MCTP1: variants seen among roughly 807,000 people sequenced by gnomAD.
MCTP1 encodes multiple C2 and transmembrane domain-containing protein 1.
Under a neutral mutation model 120.6 loss-of-function variants are expected in MCTP1, and 69 were observed. That is an observed-to-expected ratio of 0.57 (90% confidence interval 0.47 to 0.70). The LOEUF (loss-of-function observed/expected upper bound fraction) is 0.70. MCTP1 is among the 30% of genes least tolerant of loss of function. MCTP1 has a pLI of 0.00. For synonymous variants in MCTP1, 529 were observed against 493.1 expected, an observed-to-expected ratio of 1.07 and a Z score of -0.96; for missense variants, 1,203 against 1,248.8, an observed-to-expected ratio of 0.96 and a Z score of 0.55.
intron 1 of MCTP1, among the ~76,000 whole-genome samples, chr5:95,059,210 T>C (rs948920089): frequency 3.3e-5 from 5 of 150,812 alleles, no homozygotes; most frequent in African/African-American, 1.2e-4. Flanking sequence ...AAATGTGGCA[T>C]ATATATATAT....
intron 1 of MCTP1, among the ~76,000 whole-genome samples, chr5:95,206,923 G>A (rs771466786): frequency 1.3e-5 from 2 of 152,122 alleles, no homozygotes; most frequent in Non-Finnish European, 2.9e-5. Context: ...TTTATTAAAT[G>A]TTGATATATA....
chr5:94,837,711 T>C (rs978046481), intron 17 of MCTP1, among the ~76,000 whole-genome samples: 11 of 152,124 alleles, frequency 7.2e-5, no homozygotes, highest in African/African-American at 1.9e-4. Context: ...AATGCAAATA[T>C]CTAAAATCTG....
At chr5:95,025,361 C>G (rs572177874) in intron 1 of MCTP1, among the ~76,000 whole-genome samples, 1 of 152,090 alleles carries the variant, frequency 6.6e-6, no homozygotes, top group Non-Finnish European at 1.5e-5. Flanking sequence ...AACTATATAT[C>G]CACCTGCAGA....
At chr5:95,263,732 G>A (rs1203393568) in intron 1 of MCTP1, among the ~76,000 whole-genome samples, 1 of 152,152 alleles carries the variant, frequency 6.6e-6, no homozygotes, top group African/African-American at 2.4e-5. Flanking sequence ...CCATGTGCCA[G>A]GAACTTTCAT....
chr5:95,024,650 C>CACAA (rs1554185307), intron 1 of MCTP1, among the ~76,000 whole-genome samples: 1 of 147,114 alleles, frequency 6.8e-6, no homozygotes, highest in African/African-American at 2.5e-5. Context: ...CATTCAAATA[C>CACAA]ACACACACAC....
intron 1 of MCTP1, among the ~76,000 whole-genome samples, chr5:95,144,186 T>C (rs1760176554): frequency 6.6e-6 from 1 of 152,222 alleles, no homozygotes. Context: ...TTCATATATT[T>C]GTTGGCCGCT....
At position 94,708,597 on chromosome 5, in the gene MCTP1, A is replaced by C; in HGVS notation, c.2843T>G (p.Phe948Cys). The change falls in exon 22 of 23, where the codon TTT becomes TGT. Residue 948 changes from phenylalanine (F) to cysteine (C), a missense_variant. By Grantham distance (205) the Phe-to-Cys change is radical. Transcript: ENST00000515393. ...ATATGGACTCCGAAGCTTTTTTGTA[A>C]ATTTATTGATGCCTGAAACAAAGTT... is the stretch of plus-strand genomic sequence containing the variant. ...YIVLVWGINK[F>C]TKKLRSPYAI... is the part of the protein sequence containing the mutation. 6.2e-7 allele frequency: 1 copy of C among 1,605,998 alleles called. No homozygotes were observed. Among genetic ancestry groups the C allele is most frequent in the Non-Finnish European group, 8.5e-7 (1 of 1,173,518 alleles).
intron 1 of MCTP1, among the ~76,000 whole-genome samples, chr5:95,064,634 C>A (rs2152130813): frequency 6.6e-6 from 1 of 152,252 alleles, no homozygotes; most frequent in South Asian, 2.1e-4. Context: ...TTGAGGTCCA[C>A]CAGAGGTGCA....
chr5:94,771,331 T>C (rs1003046959), intron 19 of MCTP1, among the ~76,000 whole-genome samples: 2 of 152,192 alleles, frequency 1.3e-5, no homozygotes, highest in African/African-American at 4.8e-5. Flanking sequence ...AATCTTCAGA[T>C]TCTCAGAGTC....
At chr5:95,036,919 C>CTCACTCACTCAA (rs1841426321) in intron 1 of MCTP1, among the ~76,000 whole-genome samples, 1 of 151,914 alleles carries the variant, frequency 6.6e-6, no homozygotes, top group Non-Finnish European at 1.5e-5. Context: ...CTTTCACTCA[C>CTCACTCACTCAA]TCACTCACTC....
chr5:95,258,176 A>ACC (rs1758092539), intron 1 of MCTP1, among the ~76,000 whole-genome samples: 1 of 152,214 alleles, frequency 6.6e-6, no homozygotes, highest in Non-Finnish European at 1.5e-5. Context: ...AGTGCTGAAT[A>ACC]ACTTTACAGT....
intron 1 of MCTP1, among the ~76,000 whole-genome samples, chr5:95,171,558 T>A (rs1245098315): frequency 6.6e-6 from 1 of 152,246 alleles, no homozygotes; most frequent in East Asian, 1.9e-4. Context: ...CAATCAGACG[T>A]AGATTTGGTC....
intron 12 of MCTP1, among the ~76,000 whole-genome samples, chr5:94,875,712 G>A (rs1244754809): frequency 1.3e-5 from 2 of 151,040 alleles, no homozygotes; most frequent in Admixed American, 6.6e-5. Context: ...ATTATTTGAC[G>A]CTGAAAAACA....
At chr5:94,988,398 T>C (rs1830804656) in intron 2 of MCTP1, among the ~76,000 whole-genome samples, 1 of 152,126 alleles carries the variant, frequency 6.6e-6, no homozygotes, top group Non-Finnish European at 1.5e-5. Flanking sequence ...AATATCTCCA[T>C]TTCCATTTAG....
chr5:95,112,288 G>A, intron 1 of MCTP1, among the ~76,000 whole-genome samples: 1 of 152,154 alleles, frequency 6.6e-6, no homozygotes, highest in Non-Finnish European at 1.5e-5. Flanking sequence ...TAGAACAAAT[G>A]CCCAAGCACT....
At chr5:95,059,442 G>A (rs1459548228) in intron 1 of MCTP1, among the ~76,000 whole-genome samples, 1 of 152,018 alleles carries the variant, frequency 6.6e-6, no homozygotes, top group Non-Finnish European at 1.5e-5. Context: ...AGCAAAGGTT[G>A]AAAAACTAAC....
chr5:95,258,135 A>G (rs1758086090), intron 1 of MCTP1, among the ~76,000 whole-genome samples: 1 of 152,208 alleles, frequency 6.6e-6, no homozygotes, highest in Non-Finnish European at 1.5e-5. Flanking sequence ...AGACTACAGT[A>G]TGGAAAATGG....
intron 1 of MCTP1, among the ~76,000 whole-genome samples, chr5:95,244,833 A>C (rs1756570883): frequency 6.6e-6 from 1 of 152,206 alleles, no homozygotes; most frequent in Non-Finnish European, 1.5e-5. Context: ...TGAAGAGAGC[A>C]GAGGTTCTCT....
chr5:94,869,896 C>T (rs1797510272), intron 16 of MCTP1, among the ~76,000 whole-genome samples: 1 of 152,038 alleles, frequency 6.6e-6, no homozygotes. Flanking sequence ...TAAAAGTTTA[C>T]TTCTGAAAGA....
Sources: allele counts gnomAD v4.1 joint callset (sites outside exome capture counted in the v4.1 genomes callset), GRCh38; gene constraint gnomAD v4.1.1; transcripts MANE v1.5; gene names NCBI Gene and HGNC (gene_info 2026-07-23, HGNC 2026-07-21).